Variants in NT5C2 observed in about 807,000 individuals in gnomAD.
NT5C2 encodes the protein cytosolic purine 5'-nucleotidase.
In NT5C2, 58 loss-of-function variants were observed where a neutral mutation model predicts 76.1. The ratio of observed to expected loss-of-function variants is 0.76; its 90% CI spans 0.62 to 0.95. The LOEUF (loss-of-function observed/expected upper bound fraction) is 0.95, where lower values mean the gene tolerates loss of function less well. Among genes scored for constraint, NT5C2 ranks in the 40% least tolerant of loss-of-function variants. The probability of loss-of-function intolerance (pLI) is 0.00; values close to 1 mark genes in which losing one functional copy is unlikely to be tolerated. For synonymous variants in NT5C2, 229 were observed against 237.4 expected (o/e 0.96, Z 0.32); for missense variants, 478 against 690.3 (o/e 0.69, Z 3.45).
intron 2 of NT5C2, among the ~76,000 whole-genome samples, chr10:103,180,348 T>G (rs1213488140): frequency 6.6e-6 from 1 of 152,244 alleles, no homozygotes; most frequent in Non-Finnish European, 1.5e-5. Context: ...GCCATTTCTT[T>G]AAAACTTAAA....
intron 4 of NT5C2, among the ~76,000 whole-genome samples, chr10:103,121,005 T>C (rs969436145): frequency 9.2e-5 from 14 of 152,196 alleles, no homozygotes; most frequent in Admixed American, 6.5e-4. Context: ...TTAAAAAATA[T>C]GCTAAAAGAA....
rs763031720 is a variant in NT5C2, at chr10:103,099,001, A to C, written c.634-17T>G. The C allele has an allele frequency of 1.3e-6, 2 of 1,586,446 alleles. No individual in the cohort carries two copies. Among genetic ancestry groups the C allele is most frequent in the South Asian group, 2.3e-5 (2 of 88,832 alleles). On this transcript the variant is annotated splice_polypyrimidine_tract_variant and intron_variant, in intron 9 of 18. Coordinates refer to ENST00000404739, the MANE Select transcript of NT5C2 (RefSeq NM_001351169.2). ...AAGGGAGCCCTGGAGGAAGACAAAA[A>C]AAAGAATTAAGAAAAGAACAAAATC...
intron 3 of NT5C2, among the ~76,000 whole-genome samples, chr10:103,142,323 A>G (rs184405232): frequency 1.3e-5 from 2 of 152,354 alleles, no homozygotes; most frequent in African/African-American, 2.4e-5. Context: ...GAAAAACTGA[A>G]CATATAATAG....
At chr10:103,180,020 T>A (rs1411091409) in intron 2 of NT5C2, among the ~76,000 whole-genome samples, 1 of 152,208 alleles carries the variant, frequency 6.6e-6, no homozygotes, top group Non-Finnish European at 1.5e-5. Context: ...CAAAAGGACT[T>A]GTATCCAGAA....
At chr10:103,138,523 C>T (rs1365230066) in intron 4 of NT5C2, among the ~76,000 whole-genome samples, 1 of 152,146 alleles carries the variant, frequency 6.6e-6, no homozygotes, top group East Asian at 1.9e-4. Flanking sequence ...TGAGTGAGAA[C>T]ATGCAGTGTT....
chr10:103,089,084 C>T lies in NT5C2; in HGVS notation c.*588G>A, dbSNP rs966262634. 4.9e-5 allele frequency: 11 copies of T among 224,574 alleles called. No homozygotes were observed. In the South Asian group the frequency reaches 9.1e-4, roughly 19 times the overall value. 13.9% of individuals were successfully genotyped at this position (224,574 alleles called of 1,614,324 possible). A position where few individuals can be genotyped will look rare whatever the true frequency, so the allele number is the denominator to read the frequency against. On this transcript the variant is annotated 3_prime_UTR_variant, in exon 19 of 19. Transcript: ENST00000404739. Reference sequence around the variant, plus strand: ...AAAATAGAATCCTGCCCTAAAGCAACGCAAGTAGAGCATACTTCTGTGCAA... The same window carrying T: ...AAAATAGAATCCTGCCCTAAAGCAATGCAAGTAGAGCATACTTCTGTGCAA...
intron 3 of NT5C2, among the ~76,000 whole-genome samples, chr10:103,148,063 C>T (rs1047628972): frequency 6.6e-6 from 1 of 152,072 alleles, no homozygotes; most frequent in African/African-American, 2.4e-5. Flanking sequence ...AAAAAGTATG[C>T]TTAATGATAT....
chr10:103,109,615 T>C (rs543459305), intron 4 of NT5C2, among the ~76,000 whole-genome samples: 1 of 152,352 alleles, frequency 6.6e-6, no homozygotes, highest in South Asian at 2.1e-4. Context: ...TTTCAATTGT[T>C]AATTTTTTCA....
chr10:103,159,750 A>T (rs1458675364), intron 3 of NT5C2, among the ~76,000 whole-genome samples: 1 of 152,188 alleles, frequency 6.6e-6, no homozygotes, highest in Non-Finnish European at 1.5e-5. Flanking sequence ...CTGTTGAAAG[A>T]ATTAAAGAAA....
At chr10:103,167,820 C>T (rs577119467) in intron 3 of NT5C2, among the ~76,000 whole-genome samples, 115 of 151,924 alleles carry the variant, frequency 7.6e-4, no homozygotes, top group African/African-American at 2.6e-3. Flanking sequence ...TTGGTAAAGA[C>T]GGGGTTTGCC....
At chr10:103,192,107 C>T (rs1462485297) in intron 1 of NT5C2, among the ~76,000 whole-genome samples, 1 of 152,098 alleles carries the variant, frequency 6.6e-6, no homozygotes, top group African/African-American at 2.4e-5. Context: ...GCCTTCTCTA[C>T]GCAATAACAC....
intron 4 of NT5C2, among the ~76,000 whole-genome samples, chr10:103,138,199 G>A (rs2079657017): frequency 6.6e-6 from 1 of 152,204 alleles, no homozygotes; most frequent in Admixed American, 6.5e-5. Flanking sequence ...TGACCATTGG[G>A]AAGACTGGCT....
intron 1 of NT5C2, among the ~76,000 whole-genome samples, chr10:103,185,344 T>TTA (rs1564659837): frequency 4.1e-5 from 6 of 147,022 alleles, no homozygotes; most frequent in Non-Finnish European, 9.0e-5. Flanking sequence ...AATACTCCTT[T>TTA]AAAAAAAAAA....
At chr10:103,161,941 TG>T (rs1430801977) in intron 3 of NT5C2, among the ~76,000 whole-genome samples, 1 of 152,110 alleles carries the variant, frequency 6.6e-6, no homozygotes, top group Non-Finnish European at 1.5e-5. Flanking sequence ...TAATGAAAAA[TG>T]GTTGTACCAC....
In NT5C2 at chr10:103,090,682, G is replaced by C. The variant is rs758124987; in HGVS notation, c.1378C>G (p.Leu460Val). ...FASQVMRYAD[L>V]YAASFINLLY... ...AGGTTGATGAAAGATGCTGCATAGA[G>C]GTCAGCATAACGCATCACTTGACTG... The change falls in exon 18 of 19, where the codon CTC becomes GTC. Residue 460 changes from leucine (L) to valine (V), a missense_variant. Coordinates refer to ENST00000404739, the MANE Select transcript of NT5C2 (RefSeq NM_001351169.2). The C allele has an allele frequency of 6.2e-7, 1 of 1,614,158 alleles. No homozygotes were observed. Among genetic ancestry groups the C allele is most frequent in the Non-Finnish European group, 8.5e-7 (1 of 1,180,004 alleles).
rs2071365783 is a variant in NT5C2, at chr10:103,106,694, G to A, written c.188C>T (p.Pro63Leu). ...MDYTLAVYKSPEYESLGFELT... is the reference protein window; with the variant it reads ...MDYTLAVYKSLEYESLGFELT... ...CTCAAAACCAAGGGACTCATACTCT[G>A]GGGACTTGTACACTGCACAAAGAGG... is the stretch of plus-strand genomic sequence containing the variant. The change falls in exon 5 of 19, where the codon CCA becomes CTA. Residue 63 changes from proline (P) to leucine (L), a missense_variant. Transcript: ENST00000404739. 1 of 1,605,392 alleles carries A rather than the reference G, an allele frequency of 6.2e-7. No homozygotes were observed. The highest frequency in any genetic ancestry group is 1.7e-5 in the Admixed American group (1 of 59,980).
At chr10:103,116,471 C>T (rs2074351586) in intron 4 of NT5C2, among the ~76,000 whole-genome samples, 1 of 151,928 alleles carries the variant, frequency 6.6e-6, no homozygotes, top group African/African-American at 2.4e-5. Flanking sequence ...TTAATTACTG[C>T]TTAAATTTCC....
intron 15 of NT5C2, among the ~76,000 whole-genome samples, chr10:103,092,599 C>T (rs1401785819): frequency 1.3e-5 from 2 of 152,224 alleles, no homozygotes; most frequent in Non-Finnish European, 2.9e-5. Flanking sequence ...GTATATCAAG[C>T]ACTTTTACAG....
At chr10:103,176,573 G>A (rs2089999184) in intron 2 of NT5C2, among the ~76,000 whole-genome samples, 1 of 152,136 alleles carries the variant, frequency 6.6e-6, no homozygotes, top group Non-Finnish European at 1.5e-5. Context: ...TAGGTTTTTG[G>A]TTTGTTTTTG....
Sources: gnomAD v4.1 joint callset for allele counts (sites outside exome capture counted in the v4.1 genomes callset) on GRCh38, gnomAD v4.1.1 for gene constraint, MANE v1.5 for transcripts, NCBI Gene and HGNC (gene_info 2026-07-23, HGNC 2026-07-21) for gene names.